KIFC3: variants seen among roughly 807,000 people sequenced by gnomAD.
The protein encoded by KIFC3 is kinesin family member C3, also known as kinesin-like protein KIFC3.
KIFC3 carries 60 observed loss-of-function variants against 101.8 expected under a neutral mutation model. The observed-to-expected ratio is 0.59, with a 90% CI of 0.48 to 0.73. The LOEUF (loss-of-function observed/expected upper bound fraction) is 0.73, where lower values mean the gene tolerates loss of function less well. KIFC3 is among the 30% of genes least tolerant of loss of function. The probability of loss-of-function intolerance (pLI) is 0.00; values close to 1 mark genes in which losing one functional copy is unlikely to be tolerated. For synonymous variants in KIFC3, 476 were observed against 482.7 expected (o/e 0.99, Z 0.18); for missense variants, 966 against 1,137.1 (o/e 0.85, Z 2.16).
At chr16:57,791,321 C>A (rs556936462) in intron 3 of KIFC3, among the ~76,000 whole-genome samples, 1 of 152,344 alleles carries the variant, frequency 6.6e-6, no homozygotes, top group African/African-American at 2.4e-5. Context: ...TGAGCCATGG[C>A]GGCAAGGACA....
Position 57,798,270 on chromosome 16 carries a change from G to A in KIFC3, c.-27C>T, listed in dbSNP as rs1555624157. 7.7e-6 allele frequency: 12 copies of A among 1,550,254 alleles called. No homozygotes were observed. Among genetic ancestry groups the A allele is most frequent in the African/African-American group, 2.7e-5 (2 of 73,430 alleles). ...GCCTGGGGCTCAGCAGCCTCCTCGG[G>A]GCACCAGGCAGCCTGCGGAGAGAAC... On this transcript the variant is annotated 5_prime_UTR_variant, in exon 2 of 20. Transcript: ENST00000445690.
At chr16:57,820,079 G>A (rs1251885940) in intron 1 of KIFC3, among the ~76,000 whole-genome samples, 1 of 151,890 alleles carries the variant, frequency 6.6e-6, no homozygotes, top group Non-Finnish European at 1.5e-5. Context: ...ATGTTGGCCA[G>A]GCTGGTCTTG....
At chr16:57,828,837 A>G (rs1302907976) in intron 1 of KIFC3, among the ~76,000 whole-genome samples, 1 of 152,088 alleles carries the variant, frequency 6.6e-6, no homozygotes, top group African/African-American at 2.4e-5. Flanking sequence ...CCCCAGCAGA[A>G]GGTAGTGTAG....
intron 3 of KIFC3, among the ~76,000 whole-genome samples, chr16:57,787,340 G>A (rs2053438546): frequency 6.6e-6 from 1 of 152,232 alleles, no homozygotes; most frequent in Non-Finnish European, 1.5e-5. Flanking sequence ...AGGTGTGGGT[G>A]GCTGTTACAC....
chr16:57,786,545 G>A lies in KIFC3; in HGVS notation c.315+8454C>T, dbSNP rs557517822. On this transcript the variant is annotated intron_variant, in intron 3 of 19. Transcript: ENST00000445690. ...ATGGGGGGCTAGGGAGGAGGGATGG[G>A]GGGTTTGCCTCCTCCCCTCAGGGAG... 4.6e-5 allele frequency among the ~76,000 whole-genome samples: 7 copies of A among 152,214 alleles called. No homozygotes were observed. In the South Asian group the frequency reaches 1.4e-3, roughly 32 times the overall value.
At chr16:57,782,319 A>G (rs1411805275) in intron 3 of KIFC3, 8 of 191,526 alleles carry the variant, frequency 4.2e-5, no homozygotes, top group African/African-American at 1.9e-4. Flanking sequence ...CAGCCAGAAT[A>G]GAATCCTGCT....
At chr16:57,847,251 GAAGGAAGGAAGGAAGGA>G (rs1411238105) in intron 1 of KIFC3, among the ~76,000 whole-genome samples, 1,072 of 104,112 alleles carry the variant, frequency 0.01, 25 homozygotes, top group African/African-American at 0.018. Flanking sequence ...AGGAAGGAAG[GAAGGAAGGAAGGAAGGA>G]AGGGAAGGGA....
rs532204512 is a variant in KIFC3 at position 57,828,471 on chromosome 16, C to T, written c.109-30189G>A. Among the ~76,000 whole-genome samples, 404 of 152,310 alleles carry T rather than the reference C, an allele frequency of 2.7e-3. 3 individuals carry two copies. Among genetic ancestry groups the T allele is most frequent in the South Asian group, 0.026 (127 of 4,818 alleles). Reference sequence around the variant, plus strand: ...AAGGCCAAGAAGCCAACGTGGGTGGCGGGAGGGAGAGCTTGCCAAGGAGAG... The same window carrying T: ...AAGGCCAAGAAGCCAACGTGGGTGGTGGGAGGGAGAGCTTGCCAAGGAGAG... On this transcript the variant is annotated intron_variant, in intron 1 of 2. Transcript: ENST00000563028.
intron 1 of KIFC3, among the ~76,000 whole-genome samples, chr16:57,825,901 G>A (rs1009172656): frequency 1.1e-4 from 16 of 152,126 alleles, no homozygotes; most frequent in African/African-American, 3.9e-4. Context: ...GGCTGGTCTC[G>A]AACTCCTGGA....
intron 2 of KIFC3, among the ~76,000 whole-genome samples, chr16:57,796,367 A>C (rs2149206911): frequency 6.6e-6 from 1 of 151,952 alleles, no homozygotes; most frequent in East Asian, 1.9e-4. Flanking sequence ...GCTCCTCAAA[A>C]CTCCCCAGGG....
At chr16:57,764,827 G>T (rs968184440) in intron 11 of KIFC3, among the ~76,000 whole-genome samples, 1 of 152,034 alleles carries the variant, frequency 6.6e-6, no homozygotes, top group Non-Finnish European at 1.5e-5. Flanking sequence ...GGGTGGCCAT[G>T]GGGGTGGGAG....
At chr16:57,852,025 G>A (rs34173949) in intron 1 of KIFC3, among the ~76,000 whole-genome samples, 11,007 of 151,984 alleles carry the variant, frequency 0.072, 481 homozygotes, top group African/African-American at 0.12. Flanking sequence ...ACAAGTGTGA[G>A]CCACCACACC....
At chr16:57,816,631 C>A (rs1204938598) in intron 1 of KIFC3, 1 of 456,590 alleles carries the variant, frequency 2.2e-6, no homozygotes, top group African/African-American at 2.0e-5. Context: ...CTCCAGAAAC[C>A]AGCCCTGGGC....
intron 1 of KIFC3, among the ~76,000 whole-genome samples, chr16:57,827,060 A>G (rs1051977109): frequency 6.6e-6 from 1 of 152,212 alleles, no homozygotes. Flanking sequence ...CCAGCTGCCA[A>G]TAAGGACTCA....
intron 1 of KIFC3, among the ~76,000 whole-genome samples, chr16:57,821,796 C>T (rs2055356656): frequency 6.6e-6 from 1 of 152,092 alleles, no homozygotes; most frequent in Admixed American, 6.6e-5. Flanking sequence ...GCCTATAGTC[C>T]CAGCACTTTG....
rs185106275 is a variant in KIFC3 at position 57,859,636 on chromosome 16, C to T, written c.108+3093G>A. 2.2e-3 allele frequency among the ~76,000 whole-genome samples: 339 copies of T among 152,218 alleles called. 2 individuals carry two copies. Among genetic ancestry groups the T allele is most frequent in the African/African-American group, 7.9e-3 (327 of 41,552 alleles). On this transcript the variant is annotated intron_variant, in intron 1 of 2. Transcript: ENST00000563028. ...CAAGCAACACTCCTCCCACACCCGCCGAAGTCATACACCAGTTACAGTGGG... is the reference window on the plus strand; with the variant it reads ...CAAGCAACACTCCTCCCACACCCGCTGAAGTCATACACCAGTTACAGTGGG...
At chr16:57,813,715 A>G in intron 1 of KIFC3, 1 of 983,952 alleles carries the variant, frequency 1.0e-6, no homozygotes, top group Non-Finnish European at 1.2e-6. Context: ...GCACCCGGGC[A>G]CCACTCATGC....
intron 12 of KIFC3, 64 bp from the exon 13 acceptor site, chr16:57,762,334 T>C: frequency 7.0e-7 from 1 of 1,418,832 alleles, no homozygotes. Flanking sequence ...GTGTGGTGTC[T>C]GTCCCCAAAG....
intron 3 of KIFC3, chr16:57,775,645 G>A: frequency 1.0e-6 from 1 of 985,580 alleles, no homozygotes; most frequent in Non-Finnish European, 1.2e-6. Context: ...CTTCCAGCCA[G>A]CAAGGGCCGT....
Sources: gnomAD v4.1 joint callset for allele counts (sites outside exome capture counted in the v4.1 genomes callset) on GRCh38, gnomAD v4.1.1 for gene constraint, MANE v1.5 for transcripts, NCBI Gene and HGNC (gene_info 2026-07-23, HGNC 2026-07-21) for gene names.